ITGAM: variants seen among roughly 807,000 people sequenced by gnomAD.
ITGAM encodes integrin alpha-M.
ITGAM carries 79 observed loss-of-function variants against 137.5 expected under a neutral mutation model. The ratio of observed to expected loss-of-function variants is 0.57; its 90% CI spans 0.48 to 0.69. ITGAM has a LOEUF of 0.69. Among genes scored for constraint, ITGAM ranks in the 30% least tolerant of loss-of-function variants. ITGAM has a pLI of 0.00. For missense variants in ITGAM, 1,343 were observed against 1,483.5 expected, an observed-to-expected ratio of 0.91 and a Z score of 1.56; for synonymous variants, 583 against 592.3, an observed-to-expected ratio of 0.98 and a Z score of 0.23.
Position 31,326,596 on chromosome 16 carries a change from T to C in ITGAM, c.2629-260T>C, listed in dbSNP as rs368058466. Reference sequence around the variant, plus strand: ...CACACCCAGCTAATTTTTGTATTTTTAGTAGATACAGGGTTTTGCCATGTT... The same window carrying C: ...CACACCCAGCTAATTTTTGTATTTTCAGTAGATACAGGGTTTTGCCATGTT... On this transcript the variant is annotated intron_variant, in intron 21 of 29. Coordinates refer to ENST00000544665, the MANE Select transcript of ITGAM (RefSeq NM_000632.4). Among the ~76,000 whole-genome samples, 7 of 152,188 alleles carry C rather than the reference T, an allele frequency of 4.6e-5. No homozygotes were observed. In the East Asian group the frequency reaches 1.4e-3, roughly 29 times the overall value.
At chr16:31,287,681 A>G (rs2080043014) in intron 12 of ITGAM, among the ~76,000 whole-genome samples, 1 of 152,082 alleles carries the variant, frequency 6.6e-6, no homozygotes, top group Non-Finnish European at 1.5e-5. Flanking sequence ...CTTGTAATTA[A>G]TGCATTGTAT....
intron 14 of ITGAM, among the ~76,000 whole-genome samples, chr16:31,302,566 G>A (rs943801373): frequency 2.9e-4 from 42 of 145,144 alleles, no homozygotes; most frequent in African/African-American, 8.1e-4. Flanking sequence ...ACGGAGTCTC[G>A]TGCTGTTGCC....
At chr16:31,330,975 A>G (rs957154701) in intron 28 of ITGAM, among the ~76,000 whole-genome samples, 190 bp from the exon 29 acceptor site, 30 of 151,248 alleles carry the variant, frequency 2.0e-4, no homozygotes, top group Non-Finnish European at 1.9e-4. Context: ...AAAGCGATAG[A>G]GAGAGATAGA....
At chr16:31,296,776 AG>A (rs1194920570) in intron 12 of ITGAM, among the ~76,000 whole-genome samples, 3 of 152,214 alleles carry the variant, frequency 2.0e-5, no homozygotes, top group Non-Finnish European at 4.4e-5. Flanking sequence ...CTTAGCAATA[AG>A]AAACACTTGT....
At chr16:31,284,294 C>T (rs556719406) in intron 12 of ITGAM, among the ~76,000 whole-genome samples, 40 of 152,198 alleles carry the variant, frequency 2.6e-4, no homozygotes, top group Non-Finnish European at 4.4e-4. Flanking sequence ...GTTTCTGCTG[C>T]CTTTTGTTCA....
At chr16:31,265,256 G>T in intron 2 of ITGAM, 139 bp from the exon 3 acceptor site, 2 of 484,744 alleles carry the variant, frequency 4.1e-6, no homozygotes, top group Non-Finnish European at 7.5e-6. Flanking sequence ...TTTTTTCTTT[G>T]CTAATTCTTC....
At position 31,266,274 on chromosome 16, in the gene ITGAM, G is replaced by A. The variant is rs1455090176; in HGVS notation, c.427+127G>A. 7.5e-6 allele frequency: 5 copies of A among 669,458 alleles called. No individual in the cohort carries two copies. In the East Asian group the frequency reaches 1.4e-4, roughly 18 times the overall value. 41.5% of individuals were successfully genotyped at this position (669,458 alleles called of 1,614,324 possible). A position where few individuals can be genotyped will look rare whatever the true frequency, so the allele number is the denominator to read the frequency against. ...AGAGTGGGGGAACTGGGTCCCATTA[G>A]AGTCAGAAGCTAGGGAGGTGCTAGG... is the stretch of plus-strand genomic sequence containing the variant. On this transcript the variant is annotated intron_variant, in intron 5 of 29. Coordinates refer to ENST00000544665, the MANE Select transcript of ITGAM (RefSeq NM_000632.4).
intron 14 of ITGAM, 91 bp from the exon 15 acceptor site, chr16:31,321,150 A>G: frequency 7.0e-7 from 1 of 1,423,146 alleles, no homozygotes; most frequent in Non-Finnish European, 9.7e-7. Flanking sequence ...GAGCTTAGAG[A>G]ACCTCTGTCT....
At chr16:31,312,756 A>G (rs2080348000) in intron 14 of ITGAM, among the ~76,000 whole-genome samples, 1 of 151,974 alleles carries the variant, frequency 6.6e-6, no homozygotes. Context: ...GAACATCTTT[A>G]GTGTTCATTC....
In ITGAM at chr16:31,271,016, C is replaced by T. The variant is rs2144282749; in HGVS notation, c.490C>T (p.His164Tyr). The T allele has an allele frequency of 6.3e-7, 1 of 1,591,558 alleles. No individual in the cohort carries two copies. Among genetic ancestry groups the T allele is most frequent in the Non-Finnish European group, 8.6e-7 (1 of 1,166,546 alleles). ...LIDGSGSIIP[H>Y]DFRRMKEFVS... ...TGATGGCTCTGGTAGCATCATCCCA[C>T]ATGACTTTCGGCGGATGAAGGAGTT... The change falls in exon 6 of 30, where the codon CAT (histidine) becomes TAT (tyrosine). Residue 164 changes from histidine (H) to tyrosine (Y), a missense_variant. By Grantham distance (83) the His-to-Tyr change is moderately conservative. Coordinates refer to ENST00000544665, the MANE Select transcript of ITGAM (RefSeq NM_000632.4).
chr16:31,270,538 G>A (rs1180609009), intron 5 of ITGAM, among the ~76,000 whole-genome samples: 1 of 146,422 alleles, frequency 6.8e-6, no homozygotes, highest in African/African-American at 2.5e-5. Context: ...TTAAGAGACA[G>A]GGTCTTTCTC....
rs536406713 is a variant in ITGAM, at chr16:31,301,211, T to A, written c.1707+3257T>A. On this transcript the variant is annotated intron_variant, in intron 14 of 29. Transcript: ENST00000544665. The stretch of plus-strand genomic sequence containing the variant: ...TTATTCTAGATGTTTTACTTTTTCA[T>A]TGAAGTCTTTAATTCATTTTGAATT... Among the ~76,000 whole-genome samples, 17 of 152,324 alleles carry A rather than the reference T, an allele frequency of 1.1e-4. No individual in the cohort carries two copies. In the South Asian group the frequency reaches 3.3e-3, roughly 30 times the overall value.
intron 2 of ITGAM, among the ~76,000 whole-genome samples, chr16:31,262,182 T>C (rs1486330423): frequency 6.6e-6 from 1 of 152,196 alleles, no homozygotes; most frequent in Non-Finnish European, 1.5e-5. Flanking sequence ...GAATGAATTT[T>C]ATTGAAAACA....
chr16:31,270,699 G>A (rs867265544), intron 5 of ITGAM, among the ~76,000 whole-genome samples: 1 of 25,998 alleles, frequency 3.8e-5, no homozygotes, highest in Admixed American at 7.1e-4. Flanking sequence ...GTGTGTGTGT[G>A]TATATATATA....
chr16:31,265,904 A>G (rs1216381915), intron 4 of ITGAM, 23 bp downstream of exon 4: 2 of 1,611,956 alleles, frequency 1.2e-6, no homozygotes. Flanking sequence ...CGATCAGAGG[A>G]GCATCCTAAT....
rs117773641 is a variant in ITGAM at position 31,332,023 on chromosome 16, A to G, written c.*316A>G. 90 of 360,286 alleles carry G rather than the reference A, an allele frequency of 2.5e-4. No individual in the cohort carries two copies. The East Asian group carries it at 3.7e-3, about 15-fold the overall frequency. The allele number at this position is 360,286 out of a possible 1,614,324, so 22.3% of individuals were successfully genotyped here. ...TGTGTGCATGTGTGCGAGTGTGTGCATGTGTGTGCTCAGGGGCGTGTGGCT... is the reference window on the plus strand; with the variant it reads ...TGTGTGCATGTGTGCGAGTGTGTGCGTGTGTGTGCTCAGGGGCGTGTGGCT... On this transcript the variant is annotated 3_prime_UTR_variant, in exon 30 of 30. Transcript: ENST00000544665.
At chr16:31,298,907 G>A (rs1035711585) in intron 14 of ITGAM, among the ~76,000 whole-genome samples, 29 of 152,148 alleles carry the variant, frequency 1.9e-4, no homozygotes, top group Admixed American at 5.9e-4. Flanking sequence ...TGCTCTGTAA[G>A]TTGGCTTTCT....
intron 8 of ITGAM, 127 bp downstream of exon 8, chr16:31,273,645 G>T: frequency 2.3e-6 from 2 of 856,082 alleles, no homozygotes. Context: ...CATATACACC[G>T]TATCAGCTAT....
intron 14 of ITGAM, among the ~76,000 whole-genome samples, chr16:31,302,467 CTTTCTTTCTTTCTTTCTT>C (rs2080214463): frequency 1.2e-5 from 1 of 86,664 alleles, no homozygotes; most frequent in Admixed American, 1.1e-4. Flanking sequence ...TCCTTTCTTT[CTTTCTTTCTTTCTTTCTT>C]TTTTCTTTCC....
Sources: allele counts gnomAD v4.1 joint callset (sites outside exome capture counted in the v4.1 genomes callset), GRCh38; gene constraint gnomAD v4.1.1; transcripts MANE v1.5; gene names NCBI Gene and HGNC (gene_info 2026-07-23, HGNC 2026-07-21).